CYP19A1: variants seen among roughly 807,000 people sequenced by gnomAD.
CYP19A1 encodes the protein aromatase.
A neutral mutation model predicts 44.4 loss-of-function variants in CYP19A1; 32 were observed. The ratio of observed to expected loss-of-function variants is 0.72; its 90% confidence interval spans 0.54 to 0.97. CYP19A1 has a LOEUF of 0.97. Ranked by LOEUF, CYP19A1 falls within the 50% of genes least tolerant of loss-of-function variation. CYP19A1 has a pLI of 0.00. For missense variants in CYP19A1, 598 were observed against 637.8 expected, an observed-to-expected ratio of 0.94 and a Z score of 0.67; for synonymous variants, 212 against 215.6, an observed-to-expected ratio of 0.98 and a Z score of 0.14.
chr15:51,280,362 G>T (rs1187848244), intron 1 of CYP19A1, among the ~76,000 whole-genome samples: 2 of 151,814 alleles, frequency 1.3e-5, no homozygotes, highest in Admixed American at 6.6e-5. Flanking sequence ...CCTCCCAAAG[G>T]GCTGGGATTA....
At chr15:51,290,863 G>A (rs1441302838) in intron 1 of CYP19A1, among the ~76,000 whole-genome samples, 1 of 152,210 alleles carries the variant, frequency 6.6e-6, no homozygotes, top group Admixed American at 6.5e-5. Flanking sequence ...CAGCTTGGCT[G>A]GGGCCCAGTC....
intron 1 of CYP19A1, among the ~76,000 whole-genome samples, chr15:51,317,697 GA>G (rs917866910): frequency 9.9e-5 from 15 of 152,212 alleles, no homozygotes; most frequent in African/African-American, 3.6e-4. Flanking sequence ...TGTGGTGAGG[GA>G]ATATGATGGA....
intron 1 of CYP19A1, among the ~76,000 whole-genome samples, chr15:51,283,894 C>A (rs2035613292): frequency 6.6e-6 from 1 of 152,220 alleles, no homozygotes; most frequent in African/African-American, 2.4e-5. Flanking sequence ...TGCCATAGAC[C>A]TTTGCAGCAC....
chr15:51,237,138 G>C (rs894730788), intron 2 of CYP19A1, 129 bp from the exon 3 acceptor site: 4 of 1,050,736 alleles, frequency 3.8e-6, no homozygotes, highest in Non-Finnish European at 5.6e-6. Context: ...TGTGAATCAC[G>C]AATAAAGTGA....
rs577563360 is a variant in CYP19A1, at chr15:51,237,270, A to C, written c.146-261T>G. 2.6e-5 allele frequency among the ~76,000 whole-genome samples: 4 copies of C among 152,350 alleles called. No individual in the cohort carries two copies. In the East Asian group the frequency reaches 5.8e-4, roughly 22 times the overall value. ...AGTTTTATTTGGTCTCAATCATTTC[A>C]GTCTGAATGAACTGGGGTGTGTGTG... On this transcript the variant is annotated intron_variant, in intron 2 of 9. Transcript: ENST00000396402.
At chr15:51,231,774 T>G (rs1292493137) in intron 3 of CYP19A1, among the ~76,000 whole-genome samples, 1 of 152,054 alleles carries the variant, frequency 6.6e-6, no homozygotes, top group South Asian at 2.1e-4. Context: ...GACTATTATA[T>G]TCTCCCTACT....
At chr15:51,242,684 C>T (rs1300013617) in intron 2 of CYP19A1, 84 bp downstream of exon 2, 1 of 881,892 alleles carries the variant, frequency 1.1e-6, no homozygotes, top group Non-Finnish European at 1.9e-6. Flanking sequence ...GCTTTTTGTC[C>T]TTTTGCAAAA....
At chr15:51,236,223 T>G (rs1255050730) in intron 3 of CYP19A1, among the ~76,000 whole-genome samples, 1 of 152,224 alleles carries the variant, frequency 6.6e-6, no homozygotes, top group Non-Finnish European at 1.5e-5. Flanking sequence ...TTACTTCTTT[T>G]TCTACTGTCT....
intron 3 of CYP19A1, among the ~76,000 whole-genome samples, chr15:51,230,039 A>T (rs769661403): frequency 5.9e-5 from 9 of 152,250 alleles, no homozygotes; most frequent in Non-Finnish European, 1.3e-4. Flanking sequence ...GCTATTTTGA[A>T]TCCAAAGCTC....
At chr15:51,295,332 C>T (rs181602236) in intron 1 of CYP19A1, among the ~76,000 whole-genome samples, 2 of 152,140 alleles carry the variant, frequency 1.3e-5, no homozygotes. Flanking sequence ...CAGCCGCACT[C>T]CAGCCCCTCT....
intron 3 of CYP19A1, among the ~76,000 whole-genome samples, chr15:51,228,877 A>C (rs1375818583): frequency 6.6e-6 from 1 of 152,124 alleles, no homozygotes; most frequent in African/African-American, 2.4e-5. Flanking sequence ...AAATTCTCCC[A>C]CTATGGAGGT....
At chr15:51,268,748 T>C (rs1333798491) in intron 1 of CYP19A1, among the ~76,000 whole-genome samples, 3 of 152,346 alleles carry the variant, frequency 2.0e-5, no homozygotes, top group East Asian at 3.9e-4. Flanking sequence ...TCTCAGTCTT[T>C]GAATTTTAGC....
At chr15:51,263,941 C>G (rs2034822750) in intron 1 of CYP19A1, among the ~76,000 whole-genome samples, 2 of 152,178 alleles carry the variant, frequency 1.3e-5, no homozygotes, top group African/African-American at 4.8e-5. Context: ...TCCAGTAATT[C>G]TGATCTGTTC....
chr15:51,223,593 T>TCACACACACACACACACA lies in CYP19A1; in HGVS notation c.452-1086_452-1069dup, dbSNP rs5812545. ...CTTGCTCTCTCTCTCTCTCTCTCTC[T>TCACACACACACACACACA]CACACACACACACACACACACACAC... On this transcript the variant is annotated intron_variant, in intron 4 of 9. Coordinates refer to ENST00000396402, the MANE Select transcript of CYP19A1 (RefSeq NM_000103.4). Among the ~76,000 whole-genome samples the TCACACACACACACACACA allele has an allele frequency of 1.5e-3, 139 of 90,190 alleles. 3 individuals carry two copies. The East Asian group carries it at 0.019, about 13-fold the overall frequency. The allele number at this position is 90,190 out of a possible 152,430, so 59.2% of individuals were successfully genotyped here.
At chr15:51,228,727 G>C (rs2032793739) in intron 3 of CYP19A1, among the ~76,000 whole-genome samples, 1 of 152,194 alleles carries the variant, frequency 6.6e-6, no homozygotes, top group Non-Finnish European at 1.5e-5. Context: ...AGATGCATTA[G>C]ATGTCATTGG....
At chr15:51,332,651 G>A (rs577986587) in intron 1 of CYP19A1, among the ~76,000 whole-genome samples, 23 of 152,242 alleles carry the variant, frequency 1.5e-4, no homozygotes, top group South Asian at 8.3e-4. Flanking sequence ...TTTATCTGGT[G>A]GAAGATATGG....
intron 5 of CYP19A1, among the ~76,000 whole-genome samples, chr15:51,219,190 T>C (rs1387620346): frequency 6.6e-6 from 1 of 152,190 alleles, no homozygotes; most frequent in African/African-American, 2.4e-5. Context: ...TTTTCCCCCA[T>C]AACACTCATC....
chr15:51,289,205 C>T (rs1164754567), intron 1 of CYP19A1, among the ~76,000 whole-genome samples: 1 of 152,146 alleles, frequency 6.6e-6, no homozygotes, highest in Non-Finnish European at 1.5e-5. Flanking sequence ...GGTAATTTAC[C>T]TCATGCTTTC....
At chr15:51,244,175 G>A (rs1168628167) in intron 1 of CYP19A1, among the ~76,000 whole-genome samples, 15 of 152,106 alleles carry the variant, frequency 9.9e-5, no homozygotes, top group Admixed American at 9.2e-4. Context: ...TATTGTAATC[G>A]GCACATTCTA....
Sources: allele counts gnomAD v4.1 joint callset (sites outside exome capture counted in the v4.1 genomes callset), GRCh38; gene constraint gnomAD v4.1.1; transcripts MANE v1.5; gene names NCBI Gene and HGNC (gene_info 2026-07-23, HGNC 2026-07-21).